Variants in IFT88 observed in about 807,000 individuals in gnomAD.
IFT88 encodes the protein intraflagellar transport protein 88 homolog.
A neutral mutation model predicts 119.5 loss-of-function variants in IFT88; 74 were observed. The observed-to-expected ratio is 0.62, with a 90% confidence interval of 0.51 to 0.75. IFT88 has a LOEUF of 0.75. Among genes scored for constraint, IFT88 ranks in the 30% least tolerant of loss-of-function variants. IFT88 has a pLI of 0.00. For synonymous variants in IFT88, 279 were observed against 316.7 expected (o/e 0.88, Z 1.26); for missense variants, 961 against 977.7 (o/e 0.98, Z 0.23).
At chr13:20,635,054 G>T (rs572768743) in intron 16 of IFT88, among the ~76,000 whole-genome samples, 80 of 150,064 alleles carry the variant, frequency 5.3e-4, no homozygotes, top group African/African-American at 1.8e-3. Flanking sequence ...GCAGTGTTTG[G>T]TTTTTTGTCC....
intron 13 of IFT88, chr13:20,607,513 G>A: frequency 1.4e-6 from 1 of 690,662 alleles, no homozygotes; most frequent in Non-Finnish European, 2.7e-6. Flanking sequence ...TTGACATGTG[G>A]GGAGGCCGCC....
intron 24 of IFT88, among the ~76,000 whole-genome samples, chr13:20,677,739 T>G (rs1207410254): frequency 6.6e-6 from 1 of 152,216 alleles, no homozygotes; most frequent in Non-Finnish European, 1.5e-5. Context: ...AAATTGAATA[T>G]CATCTTCTTA....
intron 14 of IFT88, among the ~76,000 whole-genome samples, chr13:20,618,644 G>T (rs909669292): frequency 1.3e-5 from 2 of 152,108 alleles, no homozygotes; most frequent in African/African-American, 4.8e-5. Flanking sequence ...TAGAGATTCA[G>T]TTGGTCTTAA....
Position 20,658,191 on chromosome 13 carries a change from G to A in IFT88, c.2068+1761G>A, listed in dbSNP as rs1018898544. 3.3e-5 allele frequency among the ~76,000 whole-genome samples: 5 copies of A among 152,014 alleles called. No homozygotes were observed. In the South Asian group the frequency reaches 6.2e-4, roughly 19 times the overall value. On this transcript the variant is annotated intron_variant, in intron 22 of 25. Transcript: ENST00000351808. ...GGCTCACTGCAACCTCTGCCTCCTG[G>A]GTTGAAGAGATTCTCCTGCTTCAGT...
At chr13:20,602,513 C>A (rs150842553) in intron 12 of IFT88, among the ~76,000 whole-genome samples, 5 of 152,030 alleles carry the variant, frequency 3.3e-5, no homozygotes, top group African/African-American at 9.7e-5. Flanking sequence ...AATATCTTGA[C>A]CAAGAAACCT....
intron 15 of IFT88, 110 bp from the exon 16 acceptor site, chr13:20,630,906 T>C: frequency 1.7e-6 from 1 of 588,186 alleles, no homozygotes; most frequent in Non-Finnish European, 3.1e-6. Flanking sequence ...TCCACCCCTT[T>C]TGTGCCCTTC....
intron 1 of IFT88, among the ~76,000 whole-genome samples, chr13:20,571,357 G>A (rs1203963323): frequency 6.6e-6 from 1 of 152,170 alleles, no homozygotes; most frequent in Non-Finnish European, 1.5e-5. Context: ...AAGAAAATAT[G>A]TATTTGCTTT....
intron 24 of IFT88, among the ~76,000 whole-genome samples, chr13:20,676,705 C>A (rs544725352): frequency 1.3e-5 from 2 of 152,322 alleles, no homozygotes; most frequent in East Asian, 3.9e-4. Flanking sequence ...ATTTGGAAAG[C>A]TGAATATTTA....
Position 20,615,830 on chromosome 13 carries a change from A to C in IFT88, c.1150A>C (p.Lys384Gln). The stretch of plus-strand genomic sequence containing the variant: ...AGAAAAATATATTATGACATCTGCA[A>C]AACTCATTGCTCCTGTAATTGAAAC... ...MAEKYIMTSAKLIAPVIETSF... is the reference protein window; with the variant it reads ...MAEKYIMTSAQLIAPVIETSF... The change falls in exon 14 of 26, where the codon AAA becomes CAA. Residue 384 changes from lysine to glutamine, a missense_variant. Physicochemically the swap from Lys to Gln is moderately conservative, Grantham distance 53. Coordinates refer to ENST00000351808, the MANE Select transcript of IFT88 (RefSeq NM_006531.5). 1 of 1,608,462 alleles carries C rather than the reference A, an allele frequency of 6.2e-7. No homozygotes were observed. Among genetic ancestry groups the C allele is most frequent in the Non-Finnish European group, 8.5e-7 (1 of 1,177,736 alleles).
chr13:20,674,725 T>TG (rs1491475484), intron 24 of IFT88, among the ~76,000 whole-genome samples: 1 of 31,452 alleles, frequency 3.2e-5, no homozygotes, highest in Non-Finnish European at 7.1e-5. Flanking sequence ...TATATATATA[T>TG]TTTTTTTTTT....
intron 14 of IFT88, 110 bp from the exon 15 acceptor site, chr13:20,625,640 G>A: frequency 1.5e-6 from 1 of 648,026 alleles, no homozygotes; most frequent in Non-Finnish European, 2.6e-6. Flanking sequence ...TACCTTTACA[G>A]AGTACTAGGG....
At chr13:20,578,046 T>TC (rs2037772275) in intron 2 of IFT88, among the ~76,000 whole-genome samples, 1 of 114,866 alleles carries the variant, frequency 8.7e-6, no homozygotes, top group Non-Finnish European at 1.8e-5. Flanking sequence ...TTTTTTTTTT[T>TC]TTTTTTTTTT....
rs188851394 is a variant in IFT88 at position 20,607,165 on chromosome 13, G to T, written c.1112+2060G>T. The T allele has an allele frequency of 3.5e-3, 1,395 of 398,378 alleles. 3 individuals are homozygous for T. Among genetic ancestry groups the T allele is most frequent in the Non-Finnish European group, 5.4e-3 (1,065 of 198,206 alleles). 24.7% of individuals were successfully genotyped at this position (398,378 alleles called of 1,614,324 possible). Reference sequence around the variant, plus strand: ...GCCACATCCTGGTACTGTACGTGGGGCTCCTGCTGCTGCTGCACGCCTGGC... The same window carrying T: ...GCCACATCCTGGTACTGTACGTGGGTCTCCTGCTGCTGCTGCACGCCTGGC... On this transcript the variant is annotated intron_variant, in intron 13 of 25. Coordinates refer to ENST00000351808, the MANE Select transcript of IFT88 (RefSeq NM_006531.5).
intron 13 of IFT88, chr13:20,607,349 C>A: frequency 1.9e-6 from 1 of 533,444 alleles, no homozygotes. Context: ...CTGGAAGGTG[C>A]CCATGTCCTA....
chr13:20,644,571 G>A (rs1300219363), intron 19 of IFT88, among the ~76,000 whole-genome samples: 1 of 151,844 alleles, frequency 6.6e-6, no homozygotes, highest in Non-Finnish European at 1.5e-5. Context: ...GGCACGATTT[G>A]CATCTCTTTT....
chr13:20,571,026 C>T (rs941205259), intron 1 of IFT88, among the ~76,000 whole-genome samples: 2 of 151,990 alleles, frequency 1.3e-5, no homozygotes, highest in South Asian at 2.1e-4. Flanking sequence ...CAGAGTCTGG[C>T]TCTGTCGCCT....
At chr13:20,676,432 C>G (rs1240309920) in intron 24 of IFT88, among the ~76,000 whole-genome samples, 3 of 152,210 alleles carry the variant, frequency 2.0e-5, no homozygotes, top group Non-Finnish European at 2.9e-5. Context: ...GCTACTGTGA[C>G]TCCCGCCTGA....
chr13:20,599,903 A>T (rs2042322897), intron 11 of IFT88, among the ~76,000 whole-genome samples: 1 of 152,172 alleles, frequency 6.6e-6, no homozygotes, highest in Admixed American at 6.5e-5. Context: ...CTAGAAATTA[A>T]GCTCCCCTTA....
intron 24 of IFT88, among the ~76,000 whole-genome samples, chr13:20,676,641 C>A (rs1031992664): frequency 6.6e-6 from 1 of 152,158 alleles, no homozygotes; most frequent in African/African-American, 2.4e-5. Flanking sequence ...TTTTTTTAAA[C>A]AAGAATTACT....
Sources: allele counts gnomAD v4.1 joint callset (sites outside exome capture counted in the v4.1 genomes callset), GRCh38; gene constraint gnomAD v4.1.1; transcripts MANE v1.5; gene names NCBI Gene and HGNC (gene_info 2026-07-23, HGNC 2026-07-21).